MALRD1: variants seen among roughly 807,000 people sequenced by gnomAD.
The protein encoded by MALRD1 is MAM and LDL receptor class A domain containing 1.
Under a neutral mutation model 242.1 loss-of-function variants are expected in MALRD1, and 247 were observed. The ratio of observed to expected loss-of-function variants is 1.02; its 90% confidence interval spans 0.92 to 1.13. The LOEUF (loss-of-function observed/expected upper bound fraction) is 1.13, where lower values mean the gene tolerates loss of function less well. MALRD1 is among the 50% of genes most tolerant of loss of function. The probability of loss-of-function intolerance (pLI) is 0.00; values close to 1 mark genes in which losing one functional copy is unlikely to be tolerated. For synonymous variants in MALRD1, 995 were observed against 866.6 expected (o/e 1.15, Z -2.60); for missense variants, 2,989 against 2,533.1 (o/e 1.18, Z -3.86).
At chr10:19,333,184 A>G (rs1843463102) in intron 24 of MALRD1, among the ~76,000 whole-genome samples, 1 of 152,164 alleles carries the variant, frequency 6.6e-6, no homozygotes, top group Non-Finnish European at 1.5e-5. Context: ...AATCAGTGGT[A>G]CATTTGCAGG....
At chr10:19,312,225 C>T (rs1328402426) in intron 21 of MALRD1, among the ~76,000 whole-genome samples, 1 of 151,210 alleles carries the variant, frequency 6.6e-6, no homozygotes, top group Non-Finnish European at 1.5e-5. Flanking sequence ...AGGTTAAGAA[C>T]TAGAACAAAC....
intron 21 of MALRD1, among the ~76,000 whole-genome samples, chr10:19,322,989 T>G (rs1377890979): frequency 6.6e-6 from 1 of 152,194 alleles, no homozygotes; most frequent in East Asian, 1.9e-4. Flanking sequence ...TTTATTCTCT[T>G]TTTTGAATTA....
intron 5 of MALRD1, among the ~76,000 whole-genome samples, chr10:19,113,910 C>A (rs1302480721): frequency 6.6e-6 from 1 of 152,072 alleles, no homozygotes; most frequent in South Asian, 2.1e-4. Context: ...AGTTCCTACC[C>A]TGTCTAATTC....
intron 8 of MALRD1, among the ~76,000 whole-genome samples, chr10:19,131,703 A>G (rs543284121): frequency 2.3e-4 from 35 of 152,312 alleles, no homozygotes; most frequent in Non-Finnish European, 3.8e-4. Context: ...AAAAGCATAG[A>G]CTGGCATCTC....
At chr10:19,675,525 C>A (rs1411393912) in intron 36 of MALRD1, among the ~76,000 whole-genome samples, 1 of 152,048 alleles carries the variant, frequency 6.6e-6, no homozygotes, top group East Asian at 1.9e-4. Flanking sequence ...AATTATTGGG[C>A]CACCCCAGAC....
rs372691335 is a variant in MALRD1, at chr10:19,339,524, T to C, written c.3901+7942T>C. 5.9e-5 allele frequency among the ~76,000 whole-genome samples: 9 copies of C among 152,292 alleles called. No individual in the cohort carries two copies. In the South Asian group the frequency reaches 1.0e-3, roughly 18 times the overall value. ...GTTACATAACATAAATCTCAAAATT[T>C]TCAGTCTCCTATAACAGTTCCTTTA... On this transcript the variant is annotated intron_variant, in intron 24 of 39. Coordinates refer to ENST00000454679, the MANE Select transcript of MALRD1 (RefSeq NM_001142308.3).
chr10:19,383,479 T>C (rs940033028), intron 26 of MALRD1, among the ~76,000 whole-genome samples: 1 of 152,162 alleles, frequency 6.6e-6, no homozygotes, highest in Non-Finnish European at 1.5e-5. Flanking sequence ...ATTCCATGTC[T>C]TTGCTATTCT....
intron 29 of MALRD1, among the ~76,000 whole-genome samples, chr10:19,467,284 G>A (rs1836262856): frequency 6.7e-6 from 1 of 149,520 alleles, no homozygotes; most frequent in African/African-American, 2.4e-5. Flanking sequence ...GAACCCGGGA[G>A]GCGGAGCTTG....
intron 28 of MALRD1, among the ~76,000 whole-genome samples, chr10:19,421,056 A>G (rs994936420): frequency 7.9e-5 from 12 of 152,222 alleles, no homozygotes; most frequent in Admixed American, 5.2e-4. Context: ...AATATTCCCA[A>G]GGATATGTGG....
chr10:19,149,587 T>C (rs1382858999), intron 11 of MALRD1, among the ~76,000 whole-genome samples: 1 of 152,192 alleles, frequency 6.6e-6, no homozygotes, highest in Non-Finnish European at 1.5e-5. Context: ...TTTTAAGAAA[T>C]ATATTATCTT....
chr10:19,615,775 T>C, intron 35 of MALRD1, 82 bp from the exon 36 acceptor site: 1 of 1,101,620 alleles, frequency 9.1e-7, no homozygotes, highest in Non-Finnish European at 1.3e-6. Context: ...TTAGATTTAA[T>C]GTAATGACAA....
chr10:19,685,756 G>A (rs1842556119), intron 36 of MALRD1, among the ~76,000 whole-genome samples: 1 of 152,134 alleles, frequency 6.6e-6, no homozygotes, highest in African/African-American at 2.4e-5. Flanking sequence ...GATGCTTCCT[G>A]TTTTACATCA....
At chr10:19,109,419 T>C (rs1031557518) in intron 5 of MALRD1, among the ~76,000 whole-genome samples, 5 of 152,174 alleles carry the variant, frequency 3.3e-5, no homozygotes. Context: ...TGAGGACTGC[T>C]CTATCTCCGG....
At chr10:19,616,587 A>C (rs962145361) in intron 36 of MALRD1, among the ~76,000 whole-genome samples, 1 of 152,032 alleles carries the variant, frequency 6.6e-6, no homozygotes, top group Non-Finnish European at 1.5e-5. Flanking sequence ...TGCCTTTATA[A>C]TTTAGCAGAC....
At chr10:19,479,306 A>C (rs1454439495) in intron 29 of MALRD1, among the ~76,000 whole-genome samples, 1 of 152,206 alleles carries the variant, frequency 6.6e-6, no homozygotes, top group Middle Eastern at 3.2e-3. Context: ...CTGGAGCCCC[A>C]GGAGAGCCAG....
chr10:19,658,508 T>C (rs550514854), intron 36 of MALRD1, among the ~76,000 whole-genome samples: 4 of 151,984 alleles, frequency 2.6e-5, no homozygotes, highest in East Asian at 1.9e-4. Flanking sequence ...CACACACACA[T>C]ACACACAAAC....
At chr10:19,695,136 G>A (rs1218284671) in intron 38 of MALRD1, among the ~76,000 whole-genome samples, 3 of 152,090 alleles carry the variant, frequency 2.0e-5, no homozygotes, top group African/African-American at 4.8e-5. Flanking sequence ...ATGAGTTAAT[G>A]GGTGCAGCAC....
At chr10:19,225,638 A>G (rs1320304770) in intron 18 of MALRD1, among the ~76,000 whole-genome samples, 2 of 152,094 alleles carry the variant, frequency 1.3e-5, no homozygotes, top group Non-Finnish European at 2.9e-5. Context: ...CTTCATTTCT[A>G]CAGAGCCAAC....
At chr10:19,222,121 C>T (rs895407268) in intron 18 of MALRD1, among the ~76,000 whole-genome samples, 1 of 151,716 alleles carries the variant, frequency 6.6e-6, no homozygotes. Context: ...TCTTGCCAGC[C>T]TCCTTCCCTT....
Sources: allele counts gnomAD v4.1 joint callset (sites outside exome capture counted in the v4.1 genomes callset), GRCh38; gene constraint gnomAD v4.1.1; transcripts MANE v1.5; gene names NCBI Gene and HGNC (gene_info 2026-07-23, HGNC 2026-07-21).